Variants in NLGN1 observed in about 807,000 individuals in gnomAD.
NLGN1 encodes neuroligin-1.
Under a neutral mutation model 65.5 loss-of-function variants are expected in NLGN1, and 12 were observed. That is an observed-to-expected ratio of 0.18 (90% CI 0.12 to 0.30). The LOEUF (loss-of-function observed/expected upper bound fraction) is 0.30, where lower values mean the gene tolerates loss of function less well. Among genes scored for constraint, NLGN1 ranks in the 10% least tolerant of loss-of-function variants. The probability of loss-of-function intolerance (pLI) is 1.00; values close to 1 mark genes in which losing one functional copy is unlikely to be tolerated. For synonymous variants in NLGN1, 350 were observed against 359.5 expected, an observed-to-expected ratio of 0.97 and a Z score of 0.30; for missense variants, 750 against 1,007.1, an observed-to-expected ratio of 0.74 and a Z score of 3.46.
At chr3:173,742,730 T>C (rs1204316176) in intron 3 of NLGN1, among the ~76,000 whole-genome samples, 2 of 152,118 alleles carry the variant, frequency 1.3e-5, no homozygotes, top group Admixed American at 6.6e-5. Context: ...TTACTTTCGA[T>C]TTGTGCTAGA....
intron 4 of NLGN1, among the ~76,000 whole-genome samples, chr3:174,024,143 A>T (rs1353969629): frequency 1.2e-3 from 3 of 2,456 alleles, no homozygotes; most frequent in African/African-American, 2.6e-3. Context: ...AGTCCTATTA[A>T]AAAAAAAAAA....
chr3:174,129,545 G>A (rs986750709), intron 4 of NLGN1, among the ~76,000 whole-genome samples: 3 of 152,266 alleles, frequency 2.0e-5, no homozygotes, highest in East Asian at 1.9e-4. Context: ...AAGTACGTAC[G>A]ACATTTGGGT....
At chr3:173,703,169 A>G (rs1767513099) in intron 3 of NLGN1, among the ~76,000 whole-genome samples, 1 of 151,986 alleles carries the variant, frequency 6.6e-6, no homozygotes, top group Non-Finnish European at 1.5e-5. Context: ...TTCCATTTAT[A>G]TTAACCGAAG....
At chr3:173,640,356 A>C (rs745869243) in intron 3 of NLGN1, among the ~76,000 whole-genome samples, 1 of 152,114 alleles carries the variant, frequency 6.6e-6, no homozygotes, top group Non-Finnish European at 1.5e-5. Context: ...TACCATAAAC[A>C]TTCTTTATAT....
chr3:173,753,486 A>C (rs1447534881), intron 3 of NLGN1, among the ~76,000 whole-genome samples: 1 of 152,112 alleles, frequency 6.6e-6, no homozygotes, highest in Non-Finnish European at 1.5e-5. Context: ...TATGTTGGCT[A>C]TACCTTCAAA....
chr3:173,990,133 C>A lies in NLGN1; in HGVS notation c.646+182301C>A, dbSNP rs760146904. Among the ~76,000 whole-genome samples the A allele has an allele frequency of 2.0e-5, 3 of 152,230 alleles. No homozygotes were observed. The Middle Eastern group carries it at 0.01, about 518-fold the overall frequency. On this transcript the variant is annotated intron_variant, in intron 4 of 6. Coordinates refer to ENST00000457714, the Ensembl canonical transcript of NLGN1. ...AATCAACAGATATTATCACACCATACTCTGTTGGGTGATTATAATAGTCTT... is the reference window on the plus strand; with the variant it reads ...AATCAACAGATATTATCACACCATAATCTGTTGGGTGATTATAATAGTCTT...
intron 4 of NLGN1, among the ~76,000 whole-genome samples, chr3:174,237,535 A>G (rs1280623735): frequency 6.6e-6 from 1 of 152,092 alleles, no homozygotes; most frequent in Non-Finnish European, 1.5e-5. Flanking sequence ...TTGTTTTTAT[A>G]TGTAAATAAA....
intron 3 of NLGN1, among the ~76,000 whole-genome samples, chr3:173,742,166 G>A (rs1298859635): frequency 1.3e-5 from 2 of 151,986 alleles, no homozygotes; most frequent in Non-Finnish European, 2.9e-5. Context: ...TCTTAAGAAT[G>A]TATAGTATAT....
intron 3 of NLGN1, among the ~76,000 whole-genome samples, chr3:173,793,840 T>G (rs1713358330): frequency 6.6e-6 from 1 of 152,158 alleles, no homozygotes; most frequent in East Asian, 1.9e-4. Flanking sequence ...ATTCTTGTGT[T>G]TAAGACTCAG....
At chr3:173,929,704 CTTTTTTTT>C (rs1052927101) in intron 4 of NLGN1, among the ~76,000 whole-genome samples, 2 of 123,634 alleles carry the variant, frequency 1.6e-5, no homozygotes, top group African/African-American at 3.0e-5. Flanking sequence ...TTCTTTTTTT[CTTTTTTTT>C]TTTCTTTTTG....
chr3:173,701,340 A>C (rs1767136444), intron 3 of NLGN1, among the ~76,000 whole-genome samples: 1 of 152,192 alleles, frequency 6.6e-6, no homozygotes, highest in Non-Finnish European at 1.5e-5. Context: ...AGTCACAGGA[A>C]TCCTTGTAAG....
At chr3:173,943,788 A>C (rs1296919448) in intron 4 of NLGN1, among the ~76,000 whole-genome samples, 1 of 152,236 alleles carries the variant, frequency 6.6e-6, no homozygotes, top group Non-Finnish European at 1.5e-5. Context: ...AAGCTTCCCA[A>C]GTGTGAAGCT....
chr3:173,885,005 C>G (rs1460893136), intron 4 of NLGN1, among the ~76,000 whole-genome samples: 1 of 152,118 alleles, frequency 6.6e-6, no homozygotes, highest in Non-Finnish European at 1.5e-5. Context: ...TACAAGCCCA[C>G]TCTTATGACT....
chr3:173,700,900 C>T (rs868265399), intron 3 of NLGN1, among the ~76,000 whole-genome samples: 20 of 152,072 alleles, frequency 1.3e-4, no homozygotes, highest in Middle Eastern at 3.4e-3. Context: ...CCGAGGCGGG[C>T]GGATCACAAG....
intron 4 of NLGN1, among the ~76,000 whole-genome samples, chr3:174,167,592 CCT>C (rs1727740933): frequency 7.4e-6 from 1 of 135,708 alleles, no homozygotes; most frequent in Non-Finnish European, 1.5e-5. Context: ...TGATCTGCCC[CCT>C]TTTTTTTTTT....
intron 4 of NLGN1, among the ~76,000 whole-genome samples, chr3:174,037,016 G>T (rs578152019): frequency 2.6e-5 from 4 of 152,184 alleles, no homozygotes; most frequent in African/African-American, 9.6e-5. Context: ...TGGACATTAG[G>T]TTAATTCCAT....
intron 4 of NLGN1, among the ~76,000 whole-genome samples, chr3:173,868,259 G>C (rs184997091): frequency 1.3e-5 from 2 of 152,234 alleles, no homozygotes; most frequent in East Asian, 3.9e-4. Context: ...GCAGTTATGG[G>C]AATTGGATGA....
rs146657270 is a variant in NLGN1, at chr3:173,970,467, T to C, written c.646+162635T>C. ...AAGTTCAGTGTGGCTGCAGTCCAGA[T>C]GTTTTATGGGTAGGTAGGAGTAGAT... On this transcript the variant is annotated intron_variant, in intron 4 of 6. Transcript: ENST00000457714. Among the ~76,000 whole-genome samples the C allele has an allele frequency of 1.6e-4, 25 of 152,152 alleles. No individual in the cohort carries two copies. In the East Asian group the frequency reaches 4.5e-3, roughly 27 times the overall value.
chr3:173,883,814 CTT>C lies in NLGN1; in HGVS notation c.646+76002_646+76003del, dbSNP rs74363696. ...TTAGTTTTGATTAAAGGGAAACTTT[CTT>C]TTTTTTTTTTTTTTTTTTTAGAATT... On this transcript the variant is annotated intron_variant, in intron 4 of 6. Transcript: ENST00000457714. Among the ~76,000 whole-genome samples, 647 of 96,464 alleles carry C rather than the reference CTT, an allele frequency of 6.7e-3. 4 individuals carry two copies. Among genetic ancestry groups the C allele is most frequent in the East Asian group, 0.042 (148 of 3,544 alleles). The allele number at this position is 96,464 out of a possible 152,430, so 63.3% of individuals were successfully genotyped here.
Sources: allele counts gnomAD v4.1 joint callset (sites outside exome capture counted in the v4.1 genomes callset), GRCh38; gene constraint gnomAD v4.1.1; transcripts MANE v1.5; gene names NCBI Gene and HGNC (gene_info 2026-07-23, HGNC 2026-07-21).